The following SORCS3 variants were observed in gnomAD, a reference collection of about 807,000 sequenced individuals.
The protein encoded by SORCS3 is sortilin related VPS10 domain containing receptor 3, also known as VPS10 domain-containing receptor SorCS3.
A neutral mutation model predicts 146.3 loss-of-function variants in SORCS3; 57 were observed. That is an observed-to-expected ratio of 0.39 (90% CI 0.31 to 0.49). The LOEUF is 0.49. SORCS3 is among the 20% of genes least tolerant of loss of function. The probability of loss-of-function intolerance (pLI) is 0.92; values close to 1 mark genes in which losing one functional copy is unlikely to be tolerated. For synonymous variants in SORCS3, 653 were observed against 618.5 expected (o/e 1.06, Z -0.83); for missense variants, 1,341 against 1,575.5 (o/e 0.85, Z 2.52).
At chr10:104,695,159 T>C (rs78873567) in intron 1 of SORCS3, among the ~76,000 whole-genome samples, 2,167 of 152,274 alleles carry the variant, frequency 0.014, 45 homozygotes, top group African/African-American at 0.045. Context: ...TTTTTTCTAT[T>C]TTACAAGAAA....
intron 13 of SORCS3, among the ~76,000 whole-genome samples, chr10:105,175,352 C>T (rs1303436159): frequency 6.6e-6 from 1 of 151,942 alleles, no homozygotes; most frequent in African/African-American, 2.4e-5. Context: ...CTGCACCTGG[C>T]TCATGCTAAC....
intron 1 of SORCS3, among the ~76,000 whole-genome samples, chr10:104,746,704 CTCTGTT>C (rs1295947400): frequency 7.2e-5 from 11 of 152,100 alleles, no homozygotes; most frequent in African/African-American, 2.7e-4. Context: ...TCATTCTACT[CTCTGTT>C]TCTATGAGCT....
At chr10:104,825,368 A>G (rs1166715287) in intron 1 of SORCS3, among the ~76,000 whole-genome samples, 1 of 152,190 alleles carries the variant, frequency 6.6e-6, no homozygotes, top group African/African-American at 2.4e-5. Context: ...AGGTCACACA[A>G]AATAAGTGGC....
At chr10:105,183,526 T>C (rs1264447859) in intron 14 of SORCS3, among the ~76,000 whole-genome samples, 1 of 152,184 alleles carries the variant, frequency 6.6e-6, no homozygotes, top group Non-Finnish European at 1.5e-5. Context: ...GATAAAGTCG[T>C]TGAAAATGAA....
intron 20 of SORCS3, among the ~76,000 whole-genome samples, chr10:105,228,296 T>A (rs550983882): frequency 6.6e-6 from 1 of 151,906 alleles, no homozygotes; most frequent in East Asian, 1.9e-4. Context: ...TATATTTTCA[T>A]GTGTCTGCCT....
At chr10:105,135,541 G>A (rs577544399) in intron 7 of SORCS3, among the ~76,000 whole-genome samples, 1 of 152,190 alleles carries the variant, frequency 6.6e-6, no homozygotes, top group African/African-American at 2.4e-5. Flanking sequence ...AACTTTACAT[G>A]GCCAGGCTGA....
intron 2 of SORCS3, among the ~76,000 whole-genome samples, chr10:104,850,190 T>C (rs2018258972): frequency 1.3e-5 from 2 of 152,238 alleles, no homozygotes; most frequent in African/African-American, 4.8e-5. Context: ...TGTTGCATCC[T>C]CAGAATTACT....
intron 12 of SORCS3, among the ~76,000 whole-genome samples, chr10:105,165,826 C>G (rs1270975228): frequency 6.6e-6 from 1 of 152,120 alleles, no homozygotes; most frequent in East Asian, 1.9e-4. Context: ...TCATAAACAG[C>G]TAAGGAATCC....
chr10:104,653,680 A>G (rs2015589626), intron 1 of SORCS3, among the ~76,000 whole-genome samples: 2 of 152,204 alleles, frequency 1.3e-5, no homozygotes, highest in Admixed American at 1.3e-4. Context: ...GTTTGTGGGT[A>G]CATAGTAGGC....
At chr10:104,998,726 G>C (rs2055041315) in intron 4 of SORCS3, among the ~76,000 whole-genome samples, 1 of 152,148 alleles carries the variant, frequency 6.6e-6, no homozygotes, top group East Asian at 1.9e-4. Context: ...GAGGAGGCCA[G>C]CTGGGTAATA....
At chr10:105,249,890 C>A (rs998750504) in intron 22 of SORCS3, among the ~76,000 whole-genome samples, 6 of 151,476 alleles carry the variant, frequency 4.0e-5, no homozygotes, top group Non-Finnish European at 5.9e-5. Flanking sequence ...CAAAAAAAAA[C>A]CAAAAAGAAA....
intron 1 of SORCS3, chr10:104,666,064 A>G (rs75154968): frequency 2.6e-5 from 4 of 152,288 alleles, no homozygotes; most frequent in Non-Finnish European, 4.4e-5. Flanking sequence ...GGTGAGGTCT[A>G]TTAAATCTGT....
chr10:105,242,532 TTATATA>T (rs1172131915), intron 20 of SORCS3, among the ~76,000 whole-genome samples: 1 of 104,154 alleles, frequency 9.6e-6, no homozygotes, highest in Non-Finnish European at 1.7e-5. Context: ...TTATATATAT[TTATATA>T]TATTTATATA....
intron 2 of SORCS3, among the ~76,000 whole-genome samples, chr10:104,892,067 A>G (rs1454318768): frequency 6.6e-6 from 1 of 152,234 alleles, no homozygotes; most frequent in Non-Finnish European, 1.5e-5. Context: ...GAAGATTCTC[A>G]TTTTAAGTTT....
At chr10:105,016,908 A>G (rs2055171559) in intron 4 of SORCS3, among the ~76,000 whole-genome samples, 1 of 152,188 alleles carries the variant, frequency 6.6e-6, no homozygotes, top group South Asian at 2.1e-4. Flanking sequence ...CATATGCAAT[A>G]TTATTAATCT....
chr10:104,775,523 G>T (rs555998583), intron 1 of SORCS3, among the ~76,000 whole-genome samples: 2 of 152,280 alleles, frequency 1.3e-5, no homozygotes, highest in South Asian at 4.1e-4. Context: ...GTGCATAAGA[G>T]ATGATATGTT....
intron 1 of SORCS3, among the ~76,000 whole-genome samples, chr10:104,646,177 A>T (rs1413714): frequency 0.98 from 149,590 of 152,342 alleles, 73,465 homozygotes; most frequent in East Asian, 1. Context: ...TTATCTGCTC[A>T]GTGATTTCTC....
chr10:104,835,129 A>G (rs1318720585), intron 1 of SORCS3, among the ~76,000 whole-genome samples: 3 of 152,142 alleles, frequency 2.0e-5, no homozygotes, highest in African/African-American at 7.2e-5. Flanking sequence ...GTTGGTGTCC[A>G]GACATTCTCG....
chr10:104,718,309 T>G (rs1432414178), intron 1 of SORCS3, among the ~76,000 whole-genome samples: 1 of 152,062 alleles, frequency 6.6e-6, no homozygotes. Flanking sequence ...CAGGATAGCA[T>G]GAGAGAGCAA....
Sources: gnomAD v4.1 joint callset for allele counts (sites outside exome capture counted in the v4.1 genomes callset) on GRCh38, gnomAD v4.1.1 for gene constraint, MANE v1.5 for transcripts, NCBI Gene and HGNC (gene_info 2026-07-23, HGNC 2026-07-21) for gene names.